The following PLCL2 variants were observed in gnomAD, a reference collection of about 807,000 sequenced individuals.
The protein encoded by PLCL2 is phospholipase C like 2, also known as inactive phospholipase C-like protein 2.
In PLCL2, 4 loss-of-function variants were observed where a neutral mutation model predicts 79.6. That is an observed-to-expected ratio of 0.05 (90% CI 0.02 to 0.11). The LOEUF is 0.11. Among genes scored for constraint, PLCL2 ranks in the 10% least tolerant of loss-of-function variants. The probability of loss-of-function intolerance (pLI) is 1.00; values close to 1 mark genes in which losing one functional copy is unlikely to be tolerated. For missense variants in PLCL2, 895 were observed against 1,291.0 expected (o/e 0.69, Z 4.70); for synonymous variants, 484 against 457.7 (o/e 1.06, Z -0.73).
chr3:17,024,842 A>G (rs187853314), intron 3 of PLCL2, among the ~76,000 whole-genome samples: 2 of 152,106 alleles, frequency 1.3e-5, no homozygotes. Flanking sequence ...TGATCCTTCA[A>G]TCTGTGCTGT....
intron 1 of PLCL2, among the ~76,000 whole-genome samples, chr3:16,921,414 T>C (rs1697122310): frequency 1.3e-5 from 2 of 152,328 alleles, no homozygotes; most frequent in South Asian, 2.1e-4. Flanking sequence ...AAAGTGTGAA[T>C]TGGTGAATCT....
chr3:17,002,010 ATCT>A (rs2064216645), intron 1 of PLCL2, among the ~76,000 whole-genome samples: 1 of 151,940 alleles, frequency 6.6e-6, no homozygotes, highest in Admixed American at 6.6e-5. Flanking sequence ...GTTTTGGTGT[ATCT>A]TCTTCAGTTT....
chr3:16,925,273 C>G (rs1697220328), intron 1 of PLCL2, among the ~76,000 whole-genome samples: 1 of 151,526 alleles, frequency 6.6e-6, no homozygotes, highest in African/African-American at 2.4e-5. Flanking sequence ...TATGGTTAAC[C>G]AGCATGTACA....
intron 3 of PLCL2, among the ~76,000 whole-genome samples, chr3:17,031,645 T>G (rs1575595952): frequency 6.6e-6 from 1 of 152,188 alleles, no homozygotes; most frequent in Admixed American, 6.5e-5. Flanking sequence ...GTGAGACTAT[T>G]GTATAAGGTT....
chr3:17,007,632 T>C (rs895571530), intron 1 of PLCL2, among the ~76,000 whole-genome samples: 5 of 152,202 alleles, frequency 3.3e-5, no homozygotes, highest in African/African-American at 1.2e-4. Context: ...GATTTAAAGT[T>C]TAAGTTTAAT....
intron 1 of PLCL2, among the ~76,000 whole-genome samples, chr3:16,901,405 C>T (rs753252215): frequency 7.9e-5 from 12 of 152,120 alleles, no homozygotes; most frequent in Non-Finnish European, 1.5e-4. Context: ...CAGGACTCCA[C>T]TCCATAGTCC....
chr3:16,937,026 C>T (rs1461685748), intron 1 of PLCL2, among the ~76,000 whole-genome samples: 1 of 152,052 alleles, frequency 6.6e-6, no homozygotes, highest in Non-Finnish European at 1.5e-5. Flanking sequence ...GGTTTCTACC[C>T]ACTAGCTGAT....
In PLCL2 at chr3:16,886,707, A is replaced by C. The variant is rs932384235; in HGVS notation, c.327+1341A>C. Among the ~76,000 whole-genome samples the C allele has an allele frequency of 5.3e-5, 8 of 152,238 alleles. No homozygotes were observed. The highest frequency in any genetic ancestry group is 8.8e-5 in the Non-Finnish European group (6 of 68,052). ...GGAAAGTAAAGTGTCTTTTTGCTGC[A>C]TACATAGCTTTTAGTGACTTACGTT... On this transcript the variant is annotated intron_variant, in intron 1 of 5. Transcript: ENST00000615277. This position sits in a 1 kb window ranked among gnomAD's most constrained non-coding sequence, Gnocchi z 4.2.
chr3:17,058,965 A>G (rs1323402160), intron 4 of PLCL2, among the ~76,000 whole-genome samples: 1 of 152,174 alleles, frequency 6.6e-6, no homozygotes, highest in South Asian at 2.1e-4. Context: ...GAGGGAGGGC[A>G]TGTAAATTGG....
chr3:16,942,781 C>G (rs747315050), intron 1 of PLCL2, among the ~76,000 whole-genome samples: 4 of 152,158 alleles, frequency 2.6e-5, no homozygotes, highest in South Asian at 2.1e-4. Context: ...CAACTGTAAA[C>G]AACACTTGTA....
chr3:16,982,169 A>C lies in PLCL2; in HGVS notation c.328-27505A>C, dbSNP rs534521722. ...ATGGCACCTGGGAGACACTTTGTAA[A>C]TATCTGTCCAGTTGAAGTGAATATA... is the stretch of plus-strand genomic sequence containing the variant. On this transcript the variant is annotated intron_variant, in intron 1 of 5. Transcript: ENST00000615277. Among the ~76,000 whole-genome samples the C allele has an allele frequency of 3.3e-5, 5 of 152,334 alleles. No homozygotes were observed. In the East Asian group the frequency reaches 7.7e-4, roughly 23 times the overall value.
In PLCL2 at chr3:17,011,029, G is replaced by C; in HGVS notation, c.1683G>C (p.Leu561=). Residue 561 remains leucine, a synonymous_variant, in exon 2 of 6, where the codon CTG becomes CTC. Transcript: ENST00000615277. This position sits in a 1 kb window ranked among gnomAD's most constrained non-coding sequence, Gnocchi z 7.9. ...CTTATCTACCATCCCCAGATGTCCT[G>C]AAAGGGAAAATACTAATTAAAGCAA... ...EESYLPSPDV[L]KGKILIKAKK... 1 of 1,614,024 alleles carries C rather than the reference G, an allele frequency of 6.2e-7. No homozygotes were observed. Among genetic ancestry groups the C allele is most frequent in the Non-Finnish European group, 8.5e-7 (1 of 1,180,000 alleles).
At chr3:16,937,263 C>T (rs900055935) in intron 1 of PLCL2, among the ~76,000 whole-genome samples, 1 of 152,132 alleles carries the variant, frequency 6.6e-6, no homozygotes, top group African/African-American at 2.4e-5. Context: ...CCGGGAGGAA[C>T]CCTGTAACTA....
At chr3:17,072,232 C>A (rs2065066662) in intron 5 of PLCL2, among the ~76,000 whole-genome samples, 1 of 152,122 alleles carries the variant, frequency 6.6e-6, no homozygotes, top group South Asian at 2.1e-4. Context: ...TCTACCATAA[C>A]AAAGATTTAT....
chr3:16,994,370 T>TA (rs992686405), intron 1 of PLCL2, among the ~76,000 whole-genome samples: 22 of 151,122 alleles, frequency 1.5e-4, no homozygotes, highest in East Asian at 3.9e-4. Context: ...GGCTTTTAAT[T>TA]AAAAAAAAAT....
At chr3:17,087,565 C>T (rs562381515) in intron 5 of PLCL2, among the ~76,000 whole-genome samples, 22 of 152,208 alleles carry the variant, frequency 1.4e-4, no homozygotes, top group Non-Finnish European at 2.6e-4. Context: ...TCTGCATGAT[C>T]GTGTAAGGGT....
At chr3:17,081,954 A>C (rs1350948563) in intron 5 of PLCL2, among the ~76,000 whole-genome samples, 3 of 152,238 alleles carry the variant, frequency 2.0e-5, no homozygotes, top group Admixed American at 2.0e-4. Flanking sequence ...GAATGTGCGA[A>C]ATCAAATGAC....
At chr3:16,888,496 G>A (rs567116999) in intron 1 of PLCL2, among the ~76,000 whole-genome samples, 5 of 152,216 alleles carry the variant, frequency 3.3e-5, no homozygotes, top group South Asian at 2.1e-4. Flanking sequence ...AATAACGGTC[G>A]ACTTTTGAGA....
intron 1 of PLCL2, among the ~76,000 whole-genome samples, chr3:16,999,235 C>T (rs1428240553): frequency 6.6e-6 from 1 of 152,128 alleles, no homozygotes; most frequent in Non-Finnish European, 1.5e-5. Flanking sequence ...CTATCTTTGA[C>T]AGTTTCCTAG....
Sources: gnomAD v4.1 joint callset for allele counts (sites outside exome capture counted in the v4.1 genomes callset) on GRCh38, gnomAD v4.1.1 for gene constraint, Gnocchi (gnomAD v3.1) non-coding constraint, MANE v1.5 for transcripts, NCBI Gene and HGNC (gene_info 2026-07-23, HGNC 2026-07-21) for gene names.